The following CNTLN variants were observed in gnomAD, a reference collection of about 807,000 sequenced individuals.
CNTLN encodes the protein centlein.
CNTLN carries 212 observed loss-of-function variants against 180.0 expected under a neutral mutation model. The observed-to-expected ratio is 1.18, with a 90% CI of 1.05 to 1.32. CNTLN has a LOEUF of 1.32. Among genes scored for constraint, CNTLN ranks in the 40% most tolerant of loss-of-function variants. The probability of loss-of-function intolerance (pLI) is 0.00; values close to 1 mark genes in which losing one functional copy is unlikely to be tolerated. For missense variants in CNTLN, 2,095 were observed against 1,610.9 expected (o/e 1.30, Z -5.14); for synonymous variants, 722 against 563.1 (o/e 1.28, Z -3.99).
downstream of CNTLN, among the ~76,000 whole-genome samples, chr9:17,506,317 C>T (rs1833931884): frequency 6.6e-6 from 1 of 152,056 alleles, no homozygotes; most frequent in East Asian, 1.9e-4. Context: ...AATAGACAAG[C>T]TACAGACTGG....
intron 18 of CNTLN, among the ~76,000 whole-genome samples, chr9:17,438,699 G>T (rs530392016): frequency 1.4e-4 from 21 of 152,172 alleles, no homozygotes; most frequent in African/African-American, 2.4e-4. Flanking sequence ...TAAGTAGTAG[G>T]ATATATGAGT....
chr9:17,305,597 C>G (rs1409394598), intron 7 of CNTLN, among the ~76,000 whole-genome samples: 1 of 151,846 alleles, frequency 6.6e-6, no homozygotes, highest in East Asian at 1.9e-4. Context: ...CTGGAACATC[C>G]TAAGCTTTTG....
At chr9:17,348,052 A>G (rs762983078) in intron 12 of CNTLN, among the ~76,000 whole-genome samples, 1 of 152,082 alleles carries the variant, frequency 6.6e-6, no homozygotes, top group Non-Finnish European at 1.5e-5. Context: ...TCTGGTATCG[A>G]ACTCCTGACC....
intron 13 of CNTLN, among the ~76,000 whole-genome samples, chr9:17,381,428 A>T (rs1825246805): frequency 6.6e-6 from 1 of 152,230 alleles, no homozygotes; most frequent in South Asian, 2.1e-4. Context: ...CTCACTCAGT[A>T]TAAAATTTAT....
intron 18 of CNTLN, among the ~76,000 whole-genome samples, chr9:17,426,731 A>G (rs1829106507): frequency 6.6e-6 from 1 of 151,616 alleles, no homozygotes; most frequent in Admixed American, 6.6e-5. Context: ...ATTTTTTCTG[A>G]TTACTTTGAG....
chr9:17,159,499 A>G (rs1819530939), intron 2 of CNTLN, among the ~76,000 whole-genome samples: 1 of 152,168 alleles, frequency 6.6e-6, no homozygotes, highest in African/African-American at 2.4e-5. Context: ...CTGGGGTCTC[A>G]ATATGCTGCA....
chr9:17,255,922 C>A (rs1009137063), intron 5 of CNTLN, among the ~76,000 whole-genome samples: 1 of 151,764 alleles, frequency 6.6e-6, no homozygotes, highest in Admixed American at 6.6e-5. Context: ...TTTGGATTAT[C>A]CAATGTGTTA....
chr9:17,142,344 A>G (rs1416516535), intron 1 of CNTLN, among the ~76,000 whole-genome samples: 1 of 152,202 alleles, frequency 6.6e-6, no homozygotes, highest in Non-Finnish European at 1.5e-5. Context: ...GGCCCAGGGA[A>G]GCCAAAAGAT....
intron 2 of CNTLN, among the ~76,000 whole-genome samples, chr9:17,150,039 T>G (rs892356712): frequency 3.9e-5 from 6 of 152,228 alleles, no homozygotes; most frequent in Non-Finnish European, 2.9e-5. Context: ...CTTTGTAGAT[T>G]CTGGATATTA....
chr9:17,522,341 C>A, the CNTLN span, among the ~76,000 whole-genome samples: 2 of 152,110 alleles, frequency 1.3e-5, no homozygotes, highest in African/African-American at 4.8e-5. Context: ...TCAAACAGCC[C>A]TATAAGGAAA....
chr9:17,241,889 T>A lies in CNTLN; in HGVS notation c.849+5301T>A, dbSNP rs754162946. ...TATGGCAATGCTACTGATTTTTGTATGTTAATTTTGTATCCTGCAACTTTA... is the reference window on the plus strand; with the variant it reads ...TATGGCAATGCTACTGATTTTTGTAAGTTAATTTTGTATCCTGCAACTTTA... On this transcript the variant is annotated intron_variant, in intron 5 of 25. Coordinates refer to ENST00000380647, the MANE Select transcript of CNTLN (RefSeq NM_017738.4). Among the ~76,000 whole-genome samples, 33 of 152,212 alleles carry A rather than the reference T, an allele frequency of 2.2e-4. 1 individual carries two copies. Among genetic ancestry groups the A allele is most frequent in the Admixed American group, 9.2e-4 (14 of 15,284 alleles).
At chr9:17,336,566 G>C (rs1821052761) in intron 10 of CNTLN, among the ~76,000 whole-genome samples, 1 of 152,120 alleles carries the variant, frequency 6.6e-6, no homozygotes, top group Admixed American at 6.6e-5. Flanking sequence ...TCTATCAAAT[G>C]ATTTGCAAAT....
intron 6 of CNTLN, among the ~76,000 whole-genome samples, chr9:17,275,358 C>A (rs544581204): frequency 2.6e-5 from 4 of 152,008 alleles, no homozygotes; most frequent in South Asian, 2.1e-4. Context: ...CCATCTAATC[C>A]CTATTCTGTA....
intron 2 of CNTLN, among the ~76,000 whole-genome samples, chr9:17,221,928 C>G (rs1452370782): frequency 6.6e-6 from 1 of 151,978 alleles, no homozygotes; most frequent in Non-Finnish European, 1.5e-5. Context: ...CATATTCTCT[C>G]TTTTTATTTC....
chr9:17,222,160 C>A (rs1472922670), intron 2 of CNTLN, among the ~76,000 whole-genome samples: 1 of 151,916 alleles, frequency 6.6e-6, no homozygotes, highest in East Asian at 1.9e-4. Flanking sequence ...CTCATATTTC[C>A]CTTGAACTAT....
At position 17,487,065 on chromosome 9, in the gene CNTLN, A is replaced by T. The variant is rs1257936062; in HGVS notation, c.4118A>T (p.Gln1373Leu). 1 of 1,590,734 alleles carries T rather than the reference A, an allele frequency of 6.3e-7. No individual in the cohort carries two copies. The highest frequency in any genetic ancestry group is 1.7e-5 in the Admixed American group (1 of 59,460). ...MLYIQKLLEG[Q>L]LPFASYLLEA... ...TACATTCAGAAACTTCTTGAAGGACAGGTATTTCATTTTTCTGTTTCATAT... is the reference window on the plus strand; with the variant it reads ...TACATTCAGAAACTTCTTGAAGGACTGGTATTTCATTTTTCTGTTTCATAT... Residue 1373 changes from glutamine (Q) to leucine (L), a missense_variant and splice_region_variant, in exon 25 of 26, where the codon CAG (glutamine) becomes CTG (leucine). Physicochemically the swap from Gln to Leu is moderately radical, Grantham distance 113. Coordinates refer to ENST00000380647, the MANE Select transcript of CNTLN (RefSeq NM_017738.4).
At chr9:17,166,180 G>A (rs2131618509) in intron 2 of CNTLN, among the ~76,000 whole-genome samples, 1 of 152,188 alleles carries the variant, frequency 6.6e-6, no homozygotes, top group East Asian at 1.9e-4. Flanking sequence ...GGGAAAATTT[G>A]GTGGATGTGA....
intron 2 of CNTLN, among the ~76,000 whole-genome samples, chr9:17,196,581 A>C (rs1822147684): frequency 6.6e-6 from 1 of 151,976 alleles, no homozygotes; most frequent in Admixed American, 6.6e-5. Flanking sequence ...GACTTTAAAA[A>C]ATAAGACTTA....
chr9:17,430,337 CA>C (rs1231453921), intron 18 of CNTLN, among the ~76,000 whole-genome samples: 2 of 151,798 alleles, frequency 1.3e-5, no homozygotes, highest in African/African-American at 2.4e-5. Context: ...TTAATATTAC[CA>C]AAATTACCTA....
Sources: gnomAD v4.1 joint callset for allele counts (sites outside exome capture counted in the v4.1 genomes callset) on GRCh38, gnomAD v4.1.1 for gene constraint, MANE v1.5 for transcripts, NCBI Gene and HGNC (gene_info 2026-07-23, HGNC 2026-07-21) for gene names.